Variants in SHISAL2A observed in about 807,000 individuals in gnomAD.
SHISAL2A encodes shisa like 2A.
Under a neutral mutation model 11.5 loss-of-function variants are expected in SHISAL2A, and 18 were observed. That is an observed-to-expected ratio of 1.57 (90% confidence interval 1.08 to 2.33). SHISAL2A has a LOEUF of 2.33. Among genes scored for constraint, SHISAL2A ranks in the 30% most tolerant of loss-of-function variants. The pLI, the probability that SHISAL2A is intolerant of heterozygous loss-of-function variation, is 0.00. For missense variants in SHISAL2A, 261 were observed against 250.9 expected, an observed-to-expected ratio of 1.04 and a Z score of -0.27; for synonymous variants, 94 against 99.6, an observed-to-expected ratio of 0.94 and a Z score of 0.34.
At chr1:52,636,432 T>A (rs1272923168) in intron 1 of SHISAL2A, among the ~76,000 whole-genome samples, 1 of 150,346 alleles carries the variant, frequency 6.7e-6, no homozygotes, top group African/African-American at 2.5e-5. Flanking sequence ...TTATTTAACT[T>A]CCTAGTATTT....
intron 2 of SHISAL2A, 93 bp from the exon 3 acceptor site, chr1:52,656,697 A>C: frequency 7.2e-7 from 1 of 1,394,864 alleles, no homozygotes; most frequent in Non-Finnish European, 9.8e-7. Flanking sequence ...ACCACAGTGC[A>C]CTGCCCAAGG....
At chr1:52,661,851 G>A (rs1691912348), downstream of SHISAL2A, among the ~76,000 whole-genome samples, 1 of 152,070 alleles carries the variant, frequency 6.6e-6, no homozygotes, top group Admixed American at 6.6e-5. Flanking sequence ...GGTCAACATG[G>A]TGAAACCCCG....
rs372989522 is a variant in SHISAL2A, at chr1:52,656,957, G to A, written c.490G>A (p.Ala164Thr). The change falls in exon 3 of 3, where the codon GCC becomes ACC. Residue 164 changes from alanine to threonine, a missense_variant. Physicochemically the swap from Ala to Thr is moderately conservative, Grantham distance 58 (BLOSUM62 0). Transcript: ENST00000517870. ...SKRLLHHCFM[A>T]TVTTSDIPGS... ...ACGCCTCCTCCATCATTGCTTCATGGCCACAGTGACCACCAGTGACATTCC... is the reference window on the plus strand; with the variant it reads ...ACGCCTCCTCCATCATTGCTTCATGACCACAGTGACCACCAGTGACATTCC... 4 of 1,614,054 alleles carry A rather than the reference G, an allele frequency of 2.5e-6. No homozygotes were observed. Among genetic ancestry groups the A allele is most frequent in the African/African-American group, 2.7e-5 (2 of 74,914 alleles).
intron 4 of SHISAL2A, among the ~76,000 whole-genome samples, chr1:52,665,486 T>C (rs980084125): frequency 6.6e-6 from 1 of 152,164 alleles, no homozygotes; most frequent in Non-Finnish European, 1.5e-5. Context: ...TACAGCCTCA[T>C]TATCATTCAG....
chr1:52,644,964 C>T (rs988890454), intron 2 of SHISAL2A, among the ~76,000 whole-genome samples: 8 of 147,490 alleles, frequency 5.4e-5, no homozygotes, highest in African/African-American at 2.0e-4. Context: ...TTGCAGTGAG[C>T]AGAAATTGCG....
intron 2 of SHISAL2A, among the ~76,000 whole-genome samples, chr1:52,645,850 A>C (rs1291567410): frequency 2.0e-5 from 3 of 152,246 alleles, no homozygotes; most frequent in Non-Finnish European, 2.9e-5. Context: ...AAATAAATAA[A>C]AATGTTTCAT....
At chr1:52,634,732 C>T (rs543955340) in intron 1 of SHISAL2A, among the ~76,000 whole-genome samples, 1 of 152,270 alleles carries the variant, frequency 6.6e-6, no homozygotes, top group Admixed American at 6.5e-5. Flanking sequence ...TTTCCTGTCC[C>T]TGGAGGTATA....
chr1:52,641,044 G>T (rs577903140), intron 1 of SHISAL2A, among the ~76,000 whole-genome samples: 5 of 152,304 alleles, frequency 3.3e-5, no homozygotes, highest in East Asian at 3.9e-4. Flanking sequence ...TGCTGAACAC[G>T]TGGAGGTCCC....
intron 2 of SHISAL2A, among the ~76,000 whole-genome samples, chr1:52,649,506 A>G (rs1691579159): frequency 6.6e-6 from 1 of 152,180 alleles, no homozygotes; most frequent in Admixed American, 6.5e-5. Flanking sequence ...TTTCTGAAAT[A>G]GGCTTCTTTC....
intron 5 of SHISAL2A, among the ~76,000 whole-genome samples, chr1:52,667,842 G>A (rs927488905): frequency 6.6e-6 from 1 of 152,138 alleles, no homozygotes; most frequent in Non-Finnish European, 1.5e-5. Context: ...GGAAAGTTGA[G>A]TTCTAGAGAG....
At chr1:52,663,940 A>G (rs1172527782) in intron 4 of SHISAL2A, among the ~76,000 whole-genome samples, 1 of 152,194 alleles carries the variant, frequency 6.6e-6, no homozygotes, top group Admixed American at 6.5e-5. Context: ...CGCAGAATGT[A>G]CCAACCCTGA....
intron 2 of SHISAL2A, among the ~76,000 whole-genome samples, chr1:52,644,922 C>G (rs1304521381): frequency 3.1e-4 from 47 of 150,454 alleles, no homozygotes; most frequent in African/African-American, 1.1e-3. Flanking sequence ...GAGGCTGAGG[C>G]AGGAGAATGG....
At chr1:52,666,832 C>A (rs987066298) in intron 4 of SHISAL2A, among the ~76,000 whole-genome samples, 1 of 152,214 alleles carries the variant, frequency 6.6e-6, no homozygotes, top group Non-Finnish European at 1.5e-5. Flanking sequence ...CAGCTGGGCA[C>A]GGCCAAAGTC....
intron 2 of SHISAL2A, among the ~76,000 whole-genome samples, chr1:52,646,935 T>C (rs1691514695): frequency 6.6e-6 from 1 of 152,174 alleles, no homozygotes; most frequent in South Asian, 2.1e-4. Context: ...GTTCAAGCAA[T>C]TCTCCTGCCT....
exon 6 of SHISAL2A, chr1:52,669,104 A>C (rs1246356597): frequency 6.6e-6 from 1 of 151,556 alleles, no homozygotes; most frequent in East Asian, 1.9e-4. Flanking sequence ...GTAAAATAAA[A>C]CTGACACAAG....
downstream of SHISAL2A, among the ~76,000 whole-genome samples, chr1:52,658,249 A>T (rs1691838282): frequency 1.3e-5 from 2 of 152,166 alleles, no homozygotes; most frequent in African/African-American, 4.8e-5. Context: ...CATGTTGGCC[A>T]GGCTGGTCTT....
At chr1:52,661,410 TC>T (rs1691904803), downstream of SHISAL2A, among the ~76,000 whole-genome samples, 3 of 152,212 alleles carry the variant, frequency 2.0e-5, no homozygotes, top group African/African-American at 7.2e-5. Context: ...TAGACATCTG[TC>T]CTCCGGTCAG....
chr1:52,646,652 G>C (rs1242198258), intron 2 of SHISAL2A, among the ~76,000 whole-genome samples: 1 of 152,118 alleles, frequency 6.6e-6, no homozygotes. Flanking sequence ...GGCACACACA[G>C]AGTAGCAAAA....
Position 52,633,520 on chromosome 1 carries a change from G to A in SHISAL2A, c.27G>A (p.Val9=). The part of the protein sequence containing the change: MSGACTSY[V]SAEQEVVRGF... ...TGAGCGGCGCCTGCACGAGCTACGTGAGCGCAGAGCAGGAGGTGGTGCGCG... is the reference window on the plus strand; with the variant it reads ...TGAGCGGCGCCTGCACGAGCTACGTAAGCGCAGAGCAGGAGGTGGTGCGCG... The change falls in exon 1 of 3, where the codon GTG becomes GTA. Residue 9 remains valine, a synonymous_variant. Coordinates refer to ENST00000517870, the MANE Select transcript of SHISAL2A (RefSeq NM_001042693.3). This position sits in a 1 kb window ranked among gnomAD's most constrained non-coding sequence, Gnocchi z 6.4. The A allele has an allele frequency of 6.3e-7, 1 of 1,580,658 alleles. No individual in the cohort carries two copies. Among genetic ancestry groups the A allele is most frequent in the Non-Finnish European group, 8.6e-7 (1 of 1,166,550 alleles).
Sources: gnomAD v4.1 joint callset for allele counts (sites outside exome capture counted in the v4.1 genomes callset) on GRCh38, gnomAD v4.1.1 for gene constraint, Gnocchi (gnomAD v3.1) non-coding constraint, MANE v1.5 for transcripts, NCBI Gene and HGNC (gene_info 2026-07-23, HGNC 2026-07-21) for gene names.